CTNNA3: variants seen among roughly 807,000 people sequenced by gnomAD.
CTNNA3 encodes the protein catenin alpha-3.
In CTNNA3, 76 loss-of-function variants were observed where a neutral mutation model predicts 95.7. The ratio of observed to expected loss-of-function variants is 0.79; its 90% CI spans 0.66 to 0.96. The LOEUF (loss-of-function observed/expected upper bound fraction) is 0.96, where lower values mean the gene tolerates loss of function less well. Among genes scored for constraint, CTNNA3 ranks in the 40% least tolerant of loss-of-function variants. The pLI is 0.00. For missense variants in CTNNA3, 1,191 were observed against 1,089.8 expected, an observed-to-expected ratio of 1.09 and a Z score of -1.31; for synonymous variants, 431 against 374.4, an observed-to-expected ratio of 1.15 and a Z score of -1.74.
At chr10:67,130,487 G>A (rs1375038266) in intron 7 of CTNNA3, among the ~76,000 whole-genome samples, 3 of 152,140 alleles carry the variant, frequency 2.0e-5, no homozygotes, top group Non-Finnish European at 4.4e-5. Flanking sequence ...GTCACTCTGA[G>A]AAATTACTAA....
chr10:67,443,637 G>T (rs1367748495), intron 5 of CTNNA3, among the ~76,000 whole-genome samples: 1 of 152,064 alleles, frequency 6.6e-6, no homozygotes, highest in Non-Finnish European at 1.5e-5. Flanking sequence ...ACTTTTTGAT[G>T]GAGTTGTTTG....
intron 7 of CTNNA3, among the ~76,000 whole-genome samples, chr10:66,963,606 C>A (rs927152877): frequency 2.0e-5 from 3 of 152,100 alleles, no homozygotes; most frequent in African/African-American, 7.2e-5. Context: ...ACTGGGTTCA[C>A]CCTAACCCTG....
chr10:66,998,118 C>G (rs1214766827), intron 7 of CTNNA3, among the ~76,000 whole-genome samples: 5 of 152,146 alleles, frequency 3.3e-5, no homozygotes, highest in Admixed American at 6.6e-5. Flanking sequence ...GATGCCATTC[C>G]CCTACATAAA....
chr10:66,334,011 G>T (rs2092364293), intron 12 of CTNNA3, among the ~76,000 whole-genome samples: 1 of 151,904 alleles, frequency 6.6e-6, no homozygotes, highest in Admixed American at 6.6e-5. Context: ...TTTGATCTTT[G>T]TCGGTTTAAA....
intron 5 of CTNNA3, among the ~76,000 whole-genome samples, chr10:67,330,458 C>A (rs751754593): frequency 6.6e-6 from 1 of 152,138 alleles, no homozygotes; most frequent in Non-Finnish European, 1.5e-5. Context: ...ACATATAAAG[C>A]GATTGGCACA....
intron 10 of CTNNA3, among the ~76,000 whole-genome samples, chr10:66,605,747 C>T (rs962345832): frequency 1.3e-5 from 2 of 152,150 alleles, no homozygotes; most frequent in Non-Finnish European, 1.5e-5. Context: ...CCTTTTCACA[C>T]AAGCAAATAC....
intron 15 of CTNNA3, among the ~76,000 whole-genome samples, chr10:66,000,933 C>T (rs1333690609): frequency 2.0e-5 from 3 of 151,996 alleles, no homozygotes; most frequent in Non-Finnish European, 4.4e-5. Context: ...TGTTGCCTCC[C>T]ATAAAACATA....
At chr10:66,115,567 T>TAGATAGATAGAC (rs1282562935) in intron 13 of CTNNA3, among the ~76,000 whole-genome samples, 1 of 129,502 alleles carries the variant, frequency 7.7e-6, no homozygotes, top group African/African-American at 2.7e-5. Context: ...GATAGATAGA[T>TAGATAGATAGAC]AGACAGATAG....
At chr10:67,397,612 G>A (rs1458203832) in intron 5 of CTNNA3, among the ~76,000 whole-genome samples, 1 of 152,182 alleles carries the variant, frequency 6.6e-6, no homozygotes, top group Non-Finnish European at 1.5e-5. Context: ...ACTTGCATAA[G>A]TAACAAGGCC....
At chr10:66,210,522 A>C (rs2088076414) in intron 13 of CTNNA3, among the ~76,000 whole-genome samples, 1 of 152,096 alleles carries the variant, frequency 6.6e-6, no homozygotes, top group African/African-American at 2.4e-5. Context: ...AGCAAGGCTT[A>C]TTTCATAATT....
At chr10:66,997,827 A>G (rs1005337320) in intron 7 of CTNNA3, among the ~76,000 whole-genome samples, 1 of 152,176 alleles carries the variant, frequency 6.6e-6, no homozygotes, top group South Asian at 2.1e-4. Flanking sequence ...TATCCACAAA[A>G]TCACCCAAGC....
intron 12 of CTNNA3, among the ~76,000 whole-genome samples, chr10:66,367,871 AATAATAATAATTATTATTATTATT>A (rs1208498479): frequency 0.021 from 1,249 of 58,678 alleles, 17 homozygotes; most frequent in Admixed American, 0.077. Context: ...TAATAATAAT[AATAATAATAATTATTATTATTATT>A]ATTATTATTA....
chr10:67,594,298 AT>A (rs1449551127), intron 3 of CTNNA3, among the ~76,000 whole-genome samples: 5 of 152,026 alleles, frequency 3.3e-5, no homozygotes, highest in Admixed American at 2.6e-4. Flanking sequence ...CTCCTCCTCG[AT>A]TTTTTGAACA....
At chr10:66,367,591 C>A (rs1262722646) in intron 12 of CTNNA3, among the ~76,000 whole-genome samples, 1 of 149,494 alleles carries the variant, frequency 6.7e-6, no homozygotes, top group Non-Finnish European at 1.5e-5. Context: ...CCATGTGACA[C>A]TAAAATCTGG....
intron 9 of CTNNA3, among the ~76,000 whole-genome samples, chr10:66,665,664 C>T (rs1286875182): frequency 6.6e-6 from 1 of 152,148 alleles, no homozygotes; most frequent in Non-Finnish European, 1.5e-5. Context: ...CCACATTTGT[C>T]CATTGAGGAT....
At chr10:66,991,900 A>G (rs1851061004) in intron 7 of CTNNA3, among the ~76,000 whole-genome samples, 1 of 152,206 alleles carries the variant, frequency 6.6e-6, no homozygotes, top group African/African-American at 2.4e-5. Context: ...CTAGAAAAGA[A>G]GGCCATCTAT....
intron 8 of CTNNA3, among the ~76,000 whole-genome samples, chr10:66,768,400 T>C (rs1483943010): frequency 2.0e-5 from 3 of 152,104 alleles, no homozygotes; most frequent in African/African-American, 7.2e-5. Flanking sequence ...TAGGAAACAC[T>C]ATCATTTACA....
chr10:66,769,318 C>T (rs1839991771), intron 8 of CTNNA3, among the ~76,000 whole-genome samples: 1 of 152,182 alleles, frequency 6.6e-6, no homozygotes, highest in Admixed American at 6.5e-5. Flanking sequence ...AGCACATGGT[C>T]AGAGGCAGGG....
intron 10 of CTNNA3, among the ~76,000 whole-genome samples, chr10:66,600,767 A>G (rs1843892166): frequency 6.6e-6 from 1 of 151,938 alleles, no homozygotes; most frequent in Non-Finnish European, 1.5e-5. Flanking sequence ...AAGGCCTTCA[A>G]TTATGAAATA....
Sources: allele counts gnomAD v4.1 joint callset (sites outside exome capture counted in the v4.1 genomes callset), GRCh38; gene constraint gnomAD v4.1.1; transcripts MANE v1.5; gene names NCBI Gene and HGNC (gene_info 2026-07-23, HGNC 2026-07-21).